CSMD3: variants seen among roughly 807,000 people sequenced by gnomAD.
CSMD3 encodes CUB and sushi domain-containing protein 3.
Under a neutral mutation model 435.2 loss-of-function variants are expected in CSMD3, and 177 were observed. The observed-to-expected ratio is 0.41, with a 90% CI of 0.36 to 0.46. The LOEUF (loss-of-function observed/expected upper bound fraction) is 0.46, where lower values mean the gene tolerates loss of function less well. Among genes scored for constraint, CSMD3 ranks in the 20% least tolerant of loss-of-function variants. CSMD3 has a pLI of 0.34. For missense variants in CSMD3, 4,265 were observed against 4,504.6 expected (o/e 0.95, Z 1.52); for synonymous variants, 1,656 against 1,520.5 (o/e 1.09, Z -2.07).
chr8:112,711,087 G>C (rs1043104300), intron 13 of CSMD3, among the ~76,000 whole-genome samples: 1 of 152,038 alleles, frequency 6.6e-6, no homozygotes, highest in African/African-American at 2.4e-5. Flanking sequence ...TTTTATAGTA[G>C]AGTGGATATT....
chr8:112,769,865 C>T (rs770661119), intron 13 of CSMD3, among the ~76,000 whole-genome samples: 1 of 151,640 alleles, frequency 6.6e-6, no homozygotes, highest in African/African-American at 2.4e-5. Context: ...ATACATATTA[C>T]TAAAATAAAG....
chr8:112,855,185 A>G lies in CSMD3; in HGVS notation c.1755+3960T>C, dbSNP rs149633115. Among the ~76,000 whole-genome samples, 11 of 152,288 alleles carry G rather than the reference A, an allele frequency of 7.2e-5. No individual in the cohort carries two copies. The East Asian group carries it at 2.1e-3, about 29-fold the overall frequency. ...GCTACTGGAAAATTTAAAATTAAAG[A>G]TGCAGCTCACATTCCATTTGTATCG... On this transcript the variant is annotated intron_variant, in intron 11 of 70. Transcript: ENST00000297405.
chr8:113,205,529 G>C (rs1202751825), intron 3 of CSMD3, among the ~76,000 whole-genome samples: 1 of 152,130 alleles, frequency 6.6e-6, no homozygotes, highest in Non-Finnish European at 1.5e-5. Context: ...ATCTAGGTTT[G>C]TGTATGTACA....
chr8:112,803,706 C>T (rs1366288425), intron 12 of CSMD3, among the ~76,000 whole-genome samples: 1 of 152,186 alleles, frequency 6.6e-6, no homozygotes, highest in Non-Finnish European at 1.5e-5. Context: ...GAAAGACCAG[C>T]TCTTATTTGA....
intron 4 of CSMD3, among the ~76,000 whole-genome samples, chr8:113,114,776 C>T (rs1335125299): frequency 2.6e-5 from 4 of 151,974 alleles, no homozygotes; most frequent in East Asian, 3.9e-4. Flanking sequence ...CTGATGGCAG[C>T]CTAGTTTGAA....
chr8:113,076,442 T>G (rs1422989030), intron 5 of CSMD3, among the ~76,000 whole-genome samples: 3 of 151,930 alleles, frequency 2.0e-5, no homozygotes, highest in Admixed American at 2.0e-4. Context: ...AACAGCAACA[T>G]TAAAAAGTCC....
intron 63 of CSMD3, among the ~76,000 whole-genome samples, chr8:112,253,063 A>T (rs1482001249): frequency 6.6e-6 from 1 of 151,892 alleles, no homozygotes; most frequent in African/African-American, 2.4e-5. Context: ...TACTAAAAAA[A>T]CTCATATTCT....
chr8:113,100,237 T>A lies in CSMD3; in HGVS notation c.710-1274A>T, dbSNP rs544218994. ...TTTATCACACACTAAATATATTTTTTAAAAATTTTATTGTGTGCTCTTTCT... is the reference window on the plus strand; with the variant it reads ...TTTATCACACACTAAATATATTTTTAAAAAATTTTATTGTGTGCTCTTTCT... On this transcript the variant is annotated intron_variant, in intron 4 of 70. Transcript: ENST00000297405. Among the ~76,000 whole-genome samples the A allele has an allele frequency of 7.9e-5, 12 of 152,232 alleles. No individual in the cohort carries two copies. The East Asian group carries it at 2.3e-3, about 29-fold the overall frequency.
intron 42 of CSMD3, among the ~76,000 whole-genome samples, chr8:112,338,750 A>C (rs1345134519): frequency 6.6e-6 from 1 of 152,150 alleles, no homozygotes; most frequent in Non-Finnish European, 1.5e-5. Context: ...TTTTCATTTT[A>C]ATTGATATTC....
intron 32 of CSMD3, among the ~76,000 whole-genome samples, chr8:112,443,081 G>A (rs1236950195): frequency 6.6e-6 from 1 of 151,736 alleles, no homozygotes; most frequent in Non-Finnish European, 1.5e-5. Context: ...GTTATTTCTT[G>A]AGTGCCTCCC....
chr8:112,804,680 T>TG (rs1439541144), intron 12 of CSMD3, among the ~76,000 whole-genome samples: 56 of 144,858 alleles, frequency 3.9e-4, no homozygotes, highest in South Asian at 1.1e-3. Flanking sequence ...ATTTTATTTT[T>TG]TTTGAGATGA....
intron 1 of CSMD3, among the ~76,000 whole-genome samples, chr8:113,434,755 C>T (rs866902620): frequency 3.3e-5 from 5 of 152,314 alleles, no homozygotes; most frequent in African/African-American, 9.6e-5. Flanking sequence ...CGCGCCTTTC[C>T]TTTCTATCGG....
At chr8:113,288,005 C>T (rs1588446432) in intron 2 of CSMD3, among the ~76,000 whole-genome samples, 1 of 151,856 alleles carries the variant, frequency 6.6e-6, no homozygotes, top group East Asian at 1.9e-4. Context: ...AAATTTTCCT[C>T]TCCAAATAAT....
intron 12 of CSMD3, among the ~76,000 whole-genome samples, chr8:112,803,029 C>A (rs931309296): frequency 2.0e-5 from 3 of 151,876 alleles, no homozygotes; most frequent in African/African-American, 7.3e-5. Context: ...AAGTACCAAA[C>A]CTTTCAGAAT....
chr8:112,857,023 C>A (rs560408647), intron 11 of CSMD3, among the ~76,000 whole-genome samples: 3 of 151,602 alleles, frequency 2.0e-5, no homozygotes, highest in African/African-American at 4.8e-5. Context: ...AGATTACATT[C>A]GACTAGAATG....
chr8:112,437,211 T>C (rs1487400712), intron 32 of CSMD3, among the ~76,000 whole-genome samples: 12 of 151,974 alleles, frequency 7.9e-5, no homozygotes, highest in Non-Finnish European at 1.2e-4. Flanking sequence ...TTCACTGTTT[T>C]AGATGTTTCA....
intron 27 of CSMD3, among the ~76,000 whole-genome samples, chr8:112,534,469 G>C (rs1405651179): frequency 6.6e-6 from 1 of 152,094 alleles, no homozygotes; most frequent in Admixed American, 6.6e-5. Context: ...ACTCTCCCAA[G>C]ACTAAACCAG....
intron 3 of CSMD3, among the ~76,000 whole-genome samples, chr8:113,241,304 G>GA (rs1288185102): frequency 2.0e-5 from 3 of 151,956 alleles, no homozygotes; most frequent in Admixed American, 6.6e-5. Flanking sequence ...AACAACAGCA[G>GA]AAAAAATGTT....
chr8:113,432,274 G>GTAAATTGGGT, intron 1 of CSMD3, among the ~76,000 whole-genome samples: 1 of 152,146 alleles, frequency 6.6e-6, no homozygotes, highest in East Asian at 1.9e-4. Flanking sequence ...TGTCAGTCCG[G>GTAAATTGGGT]TAAATTGGGT....
Sources: gnomAD v4.1 joint callset for allele counts (sites outside exome capture counted in the v4.1 genomes callset) on GRCh38, gnomAD v4.1.1 for gene constraint, MANE v1.5 for transcripts, NCBI Gene and HGNC (gene_info 2026-07-23, HGNC 2026-07-21) for gene names.